The following ROCK2 variants were observed in gnomAD, a reference collection of about 807,000 sequenced individuals.
ROCK2 encodes the protein Rho associated coiled-coil containing protein kinase 2, also known as rho-associated protein kinase 2.
Under a neutral mutation model 195.1 loss-of-function variants are expected in ROCK2, and 61 were observed. The ratio of observed to expected loss-of-function variants is 0.31; its 90% CI spans 0.25 to 0.39. The LOEUF is 0.39. ROCK2 is among the 10% of genes least tolerant of loss of function. The probability of loss-of-function intolerance (pLI) is 1.00; values close to 1 mark genes in which losing one functional copy is unlikely to be tolerated. For missense variants in ROCK2, 1,109 were observed against 1,637.4 expected (o/e 0.68, Z 5.57); for synonymous variants, 504 against 545.5 (o/e 0.92, Z 1.06).
intron 1 of ROCK2, among the ~76,000 whole-genome samples, chr2:11,341,690 C>A (rs1186614377): frequency 6.6e-6 from 1 of 152,008 alleles, no homozygotes; most frequent in African/African-American, 2.4e-5. Context: ...CTGTTAAAGA[C>A]AAAATATGTA....
At chr2:11,224,082 A>AT (rs980630388) in intron 7 of ROCK2, among the ~76,000 whole-genome samples, 76 of 152,062 alleles carry the variant, frequency 5.0e-4, no homozygotes, top group Non-Finnish European at 1.0e-3. Flanking sequence ...ACCACGTTCT[A>AT]TTTTTTCCTT....
At position 11,181,061 on chromosome 2, in the gene ROCK2, T is replaced by G. The variant is rs1437644833; in HGVS notation, c.*2376A>C. On this transcript the variant is annotated 3_prime_UTR_variant, in exon 33 of 33. Coordinates refer to ENST00000315872, the MANE Select transcript of ROCK2 (RefSeq NM_004850.5). ...CCTTGTACAGTTGGTCACACCATGA[T>G]TCCCCATATTCTCTAATATATACAG... The G allele has an allele frequency of 1.3e-5, 2 of 151,696 alleles. No homozygotes were observed. The highest frequency in any genetic ancestry group is 2.9e-5 in the Non-Finnish European group (2 of 67,942). 9.4% of individuals were successfully genotyped at this position (151,696 alleles called of 1,614,324 possible). A position where few individuals can be genotyped will look rare whatever the true frequency, so the allele number is the denominator to read the frequency against.
At chr2:11,302,400 C>A (rs1457110864) in intron 1 of ROCK2, among the ~76,000 whole-genome samples, 1 of 151,202 alleles carries the variant, frequency 6.6e-6, no homozygotes, top group East Asian at 2.0e-4. Flanking sequence ...CTCATTGCAA[C>A]CTCCGCAAGT....
chr2:11,224,537 G>T, intron 6 of ROCK2, 77 bp from the exon 7 acceptor site: 1 of 1,325,110 alleles, frequency 7.5e-7, no homozygotes, highest in Non-Finnish European at 1.1e-6. Context: ...ACTTAAATAT[G>T]TTAAGTTTAA....
intron 20 of ROCK2, among the ~76,000 whole-genome samples, chr2:11,204,626 C>A (rs1471011628): frequency 2.0e-5 from 3 of 152,154 alleles, no homozygotes; most frequent in Non-Finnish European, 4.4e-5. Context: ...CATGACATTT[C>A]TTCTTTTGTT....
At chr2:11,303,720 TC>T (rs1280359651) in intron 1 of ROCK2, among the ~76,000 whole-genome samples, 5 of 152,082 alleles carry the variant, frequency 3.3e-5, no homozygotes, top group African/African-American at 1.2e-4. Context: ...CTTAAGTTTT[TC>T]TCCTCCCATT....
chr2:11,259,791 T>C (rs1026502321), intron 3 of ROCK2, among the ~76,000 whole-genome samples: 5 of 151,354 alleles, frequency 3.3e-5, no homozygotes, highest in Admixed American at 3.3e-4. Flanking sequence ...GAAGGATTGA[T>C]ATACAGTAAC....
At chr2:11,237,882 A>G (rs1453113622) in intron 4 of ROCK2, among the ~76,000 whole-genome samples, 1 of 152,198 alleles carries the variant, frequency 6.6e-6, no homozygotes, top group Admixed American at 6.5e-5. Flanking sequence ...GTTTGAGATC[A>G]GCCTGGCCAA....
At chr2:11,330,613 G>C (rs1195067051) in intron 1 of ROCK2, among the ~76,000 whole-genome samples, 1 of 151,944 alleles carries the variant, frequency 6.6e-6, no homozygotes, top group East Asian at 1.9e-4. Context: ...AAGAAGCGGA[G>C]GCTGCAGTGA....
intron 5 of ROCK2, among the ~76,000 whole-genome samples, chr2:11,227,667 G>C (rs962846187): frequency 6.6e-6 from 1 of 152,158 alleles, no homozygotes; most frequent in South Asian, 2.1e-4. Context: ...GTAAAATGGA[G>C]ATTCCATGCA....
intron 3 of ROCK2, among the ~76,000 whole-genome samples, chr2:11,250,702 C>T (rs1193153850): frequency 6.6e-6 from 1 of 152,218 alleles, no homozygotes; most frequent in East Asian, 1.9e-4. Context: ...TCTCAAACAA[C>T]TTATCAAATT....
chr2:11,309,113 T>A (rs1236470561), intron 1 of ROCK2, among the ~76,000 whole-genome samples: 3 of 151,896 alleles, frequency 2.0e-5, no homozygotes, highest in Admixed American at 1.3e-4. Flanking sequence ...GTCCAGCACA[T>A]CACTGATGTA....
chr2:11,242,239 A>G (rs1334670622), intron 4 of ROCK2, among the ~76,000 whole-genome samples: 5 of 152,194 alleles, frequency 3.3e-5, no homozygotes, highest in Non-Finnish European at 4.4e-5. Context: ...ACATAGCACA[A>G]TATCTTCATG....
chr2:11,239,767 C>A (rs941873701), intron 4 of ROCK2, among the ~76,000 whole-genome samples: 1 of 152,174 alleles, frequency 6.6e-6, no homozygotes, highest in African/African-American at 2.4e-5. Context: ...AGAGCTCAGT[C>A]TTCTACAAAA....
chr2:11,242,759 G>C (rs1665472342), intron 4 of ROCK2, among the ~76,000 whole-genome samples: 1 of 152,114 alleles, frequency 6.6e-6, no homozygotes. Flanking sequence ...TCACCATTTT[G>C]TTATCATGCC....
At chr2:11,303,756 A>T (rs1186721408) in intron 1 of ROCK2, among the ~76,000 whole-genome samples, 1 of 151,908 alleles carries the variant, frequency 6.6e-6, no homozygotes, top group African/African-American at 2.4e-5. Flanking sequence ...CTACAATCAG[A>T]TCTCCCCCGA....
intron 3 of ROCK2, among the ~76,000 whole-genome samples, chr2:11,276,118 G>C (rs1160690348): frequency 6.6e-6 from 1 of 152,202 alleles, no homozygotes; most frequent in African/African-American, 2.4e-5. Flanking sequence ...ATACTCAATA[G>C]TGAAAGTCTA....
intron 3 of ROCK2, among the ~76,000 whole-genome samples, chr2:11,255,566 A>T (rs1348723089): frequency 6.6e-6 from 1 of 151,178 alleles, no homozygotes; most frequent in Admixed American, 6.6e-5. Flanking sequence ...ACTAAGGGAA[A>T]ATATATTAAA....
chr2:11,292,503 TTATAAACAA>T (rs1392767717), intron 1 of ROCK2, among the ~76,000 whole-genome samples: 1 of 152,188 alleles, frequency 6.6e-6, no homozygotes, highest in Non-Finnish European at 1.5e-5. Flanking sequence ...TATGATGCTC[TTATAAACAA>T]TATTGAACTT....
Sources: allele counts gnomAD v4.1 joint callset (sites outside exome capture counted in the v4.1 genomes callset), GRCh38; gene constraint gnomAD v4.1.1; transcripts MANE v1.5; gene names NCBI Gene and HGNC (gene_info 2026-07-23, HGNC 2026-07-21).